Variants in WWP1 observed in about 807,000 individuals in gnomAD.
WWP1 encodes the protein WW domain containing E3 ubiquitin protein ligase 1.
WWP1 carries 49 observed loss-of-function variants against 130.6 expected under a neutral mutation model. The observed-to-expected ratio is 0.38, with a 90% CI of 0.30 to 0.48. WWP1 has a LOEUF of 0.48. WWP1 is among the 20% of genes least tolerant of loss of function. The probability of loss-of-function intolerance (pLI) is 0.99; values close to 1 mark genes in which losing one functional copy is unlikely to be tolerated. For missense variants in WWP1, 809 were observed against 1,100.6 expected (o/e 0.74, Z 3.75); for synonymous variants, 332 against 367.8 (o/e 0.90, Z 1.11).
rs568350134 is a variant in WWP1 at position 86,446,059 on chromosome 8, G to A, written c.1999-2089G>A. Among the ~76,000 whole-genome samples, 46 of 131,150 alleles carry A rather than the reference G, an allele frequency of 3.5e-4. No individual in the cohort carries two copies. In the East Asian group the frequency reaches 0.011, roughly 31 times the overall value. 86.0% of individuals were successfully genotyped at this position (131,150 alleles called of 152,430 possible). A position where few individuals can be genotyped will look rare whatever the true frequency, so the allele number is the denominator to read the frequency against. ...TGCAGTGGCATGATCTCAGCTCACT[G>A]CAACCTCTGCCTCCTGGGTTCAAGC... On this transcript the variant is annotated intron_variant, in intron 18 of 24. Coordinates refer to ENST00000517970, the MANE Select transcript of WWP1 (RefSeq NM_007013.4).
Position 86,390,606 on chromosome 8 carries a change from A to G in WWP1, c.335-7736A>G, listed in dbSNP as rs371863493. ...GCACTAGGCAGGCTGAGGCAGGAGA[A>G]TCAGGCAGGGAGGTTGCAGTGAACC... On this transcript the variant is annotated intron_variant, in intron 5 of 24. Coordinates refer to ENST00000517970, the MANE Select transcript of WWP1 (RefSeq NM_007013.4). Among the ~76,000 whole-genome samples, 8 of 152,206 alleles carry G rather than the reference A, an allele frequency of 5.3e-5. No homozygotes were observed. The East Asian group carries it at 1.5e-3, about 29-fold the overall frequency.
intron 1 of WWP1, among the ~76,000 whole-genome samples, chr8:86,362,163 C>CATATATATATACAAGGCATAT (rs1823686887): frequency 1.7e-5 from 1 of 59,028 alleles, no homozygotes; most frequent in Non-Finnish European, 2.8e-5. Flanking sequence ...ATATACAAGG[C>CATATATATATACAAGGCATAT]ATATATATAT....
Position 86,398,557 on chromosome 8 carries a change from T to A in WWP1, c.473-15T>A. 6.2e-7 allele frequency: 1 copy of A among 1,611,766 alleles called. No individual in the cohort carries two copies. The highest frequency in any genetic ancestry group is 8.5e-7 in the Non-Finnish European group (1 of 1,179,432). On this transcript the variant is annotated splice_polypyrimidine_tract_variant and intron_variant, in intron 6 of 24. Coordinates refer to ENST00000517970, the MANE Select transcript of WWP1 (RefSeq NM_007013.4). ...AGTATATAAAAACCTAGTTTTTTTCTTTCTTGTTGTTCAGTAGAAATACAG... is the reference window on the plus strand; with the variant it reads ...AGTATATAAAAACCTAGTTTTTTTCATTCTTGTTGTTCAGTAGAAATACAG...
chr8:86,449,197 C>T (rs1032071387), intron 20 of WWP1, among the ~76,000 whole-genome samples: 1 of 152,084 alleles, frequency 6.6e-6, no homozygotes, highest in Non-Finnish European at 1.5e-5. Flanking sequence ...AGGCATTTTT[C>T]CAAGATTTTA....
chr8:86,354,726 T>C (rs113601517), intron 1 of WWP1, among the ~76,000 whole-genome samples: 3,281 of 152,248 alleles, frequency 0.022, 60 homozygotes, highest in Non-Finnish European at 0.034. Context: ...TTACTGCAGG[T>C]GTGTGAGGGG....
chr8:86,392,953 G>A (rs376300818), intron 5 of WWP1, among the ~76,000 whole-genome samples: 1 of 152,098 alleles, frequency 6.6e-6, no homozygotes, highest in East Asian at 1.9e-4. Context: ...ATACACAAAC[G>A]TAGCGTATGA....
intron 21 of WWP1, among the ~76,000 whole-genome samples, chr8:86,457,126 T>C (rs892373867): frequency 1.1e-4 from 16 of 151,912 alleles, no homozygotes; most frequent in Non-Finnish European, 2.4e-4. Flanking sequence ...TTTTATTGTA[T>C]GTAAATTATA....
At chr8:86,462,965 G>C (rs28416254) in intron 24 of WWP1, among the ~76,000 whole-genome samples, 22,395 of 152,046 alleles carry the variant, frequency 0.15, 1,797 homozygotes, top group Non-Finnish European at 0.19. Flanking sequence ...CTTGATGCTT[G>C]AGTATATGTT....
At chr8:86,376,914 G>A (rs1178913487) in intron 3 of WWP1, among the ~76,000 whole-genome samples, 6 of 152,070 alleles carry the variant, frequency 3.9e-5, no homozygotes, top group African/African-American at 1.4e-4. Context: ...AAAATTACCA[G>A]TCTTACTGAT....
At chr8:86,390,651 C>A (rs1807264585) in intron 5 of WWP1, among the ~76,000 whole-genome samples, 1 of 151,610 alleles carries the variant, frequency 6.6e-6, no homozygotes, top group Non-Finnish European at 1.5e-5. Context: ...GCAGCACAGT[C>A]CAGCCTCGGC....
chr8:86,438,029 T>C (rs959797584), intron 16 of WWP1, among the ~76,000 whole-genome samples: 76 of 152,194 alleles, frequency 5.0e-4, no homozygotes, highest in African/African-American at 1.7e-3. Flanking sequence ...CTCAATCTCC[T>C]GACCTCGTGA....
intron 7 of WWP1, among the ~76,000 whole-genome samples, chr8:86,401,116 T>C (rs988726682): frequency 6.6e-6 from 1 of 152,140 alleles, no homozygotes; most frequent in Non-Finnish European, 1.5e-5. Context: ...TATTTGCTGA[T>C]GTATATACTA....
At chr8:86,360,877 A>G (rs544386871) in intron 1 of WWP1, among the ~76,000 whole-genome samples, 22 of 152,192 alleles carry the variant, frequency 1.4e-4, no homozygotes, top group Admixed American at 8.5e-4. Flanking sequence ...AAGAGATCAT[A>G]TATAAGTTGA....
chr8:86,359,129 A>G (rs963359792), intron 1 of WWP1, among the ~76,000 whole-genome samples: 4 of 152,188 alleles, frequency 2.6e-5, no homozygotes, highest in Non-Finnish European at 4.4e-5. Flanking sequence ...TTGGCAATGA[A>G]TTAGAAATAT....
At chr8:86,420,574 A>G (rs1809145859) in intron 9 of WWP1, among the ~76,000 whole-genome samples, 1 of 152,206 alleles carries the variant, frequency 6.6e-6, no homozygotes, top group African/African-American at 2.4e-5. Flanking sequence ...AAAAGTCAAT[A>G]CATTATGTTT....
intron 1 of WWP1, among the ~76,000 whole-genome samples, chr8:86,364,128 T>G (rs567145605): frequency 1.5e-4 from 23 of 152,304 alleles, no homozygotes; most frequent in Non-Finnish European, 2.6e-4. Context: ...AAAAATGTAC[T>G]TGATTAGAAT....
chr8:86,438,971 T>C (rs1810446327), intron 17 of WWP1, among the ~76,000 whole-genome samples: 1 of 152,188 alleles, frequency 6.6e-6, no homozygotes, highest in Non-Finnish European at 1.5e-5. Context: ...TTTTTTTATA[T>C]AGTGTGGGCA....
In WWP1 at chr8:86,466,834, C is replaced by T; in HGVS notation, c.2710C>T (p.Gln904Ter). ...TCTACCACCATATAAGAGTTATGAA[C>T]AACTAAAGGAAAAACTTCTTTTTGC... ...LDLPPYKSYE[Q>*]LKEKLLFAIE... Residue 904 changes from glutamine (Q) to a stop codon, truncating the protein, a stop_gained, in exon 25 of 25, where the codon CAA becomes TAA. Coordinates refer to ENST00000517970, the MANE Select transcript of WWP1 (RefSeq NM_007013.4). LOFTEE classifies it high-confidence loss of function. 1 of 1,605,046 alleles carries T rather than the reference C, an allele frequency of 6.2e-7. No individual in the cohort carries two copies.
chr8:86,356,351 G>T (rs970371456), intron 1 of WWP1, among the ~76,000 whole-genome samples: 1 of 151,830 alleles, frequency 6.6e-6, no homozygotes, highest in Non-Finnish European at 1.5e-5. Flanking sequence ...ATTTTCTTCA[G>T]AAACATGCAG....
Sources: gnomAD v4.1 joint callset for allele counts (sites outside exome capture counted in the v4.1 genomes callset) on GRCh38, gnomAD v4.1.1 for gene constraint, MANE v1.5 for transcripts, NCBI Gene and HGNC (gene_info 2026-07-23, HGNC 2026-07-21) for gene names.